CACNA1B: variants seen among roughly 807,000 people sequenced by gnomAD.
The protein encoded by CACNA1B is voltage-dependent N-type calcium channel subunit alpha-1B.
A neutral mutation model predicts 247.2 loss-of-function variants in CACNA1B; 70 were observed. The observed-to-expected ratio is 0.28, with a 90% confidence interval of 0.23 to 0.35. The LOEUF (loss-of-function observed/expected upper bound fraction) is 0.35, where lower values mean the gene tolerates loss of function less well. Among genes scored for constraint, CACNA1B ranks in the 10% least tolerant of loss-of-function variants. The pLI is 1.00. For missense variants in CACNA1B, 2,367 were observed against 3,197.4 expected (o/e 0.74, Z 6.26); for synonymous variants, 1,231 against 1,294.4 (o/e 0.95, Z 1.05).
At chr9:138,056,206 A>G (rs1959491344) in intron 26 of CACNA1B, among the ~76,000 whole-genome samples, 1 of 152,216 alleles carries the variant, frequency 6.6e-6, no homozygotes, top group South Asian at 2.1e-4. Context: ...CCTCAAAAAA[A>G]AAGAAAAACC....
At position 137,881,966 on chromosome 9, in the gene CACNA1B, AGGCTCCCTGCGGTCTGAGCCCAGGGT is replaced by A. The variant is rs1267510729; in HGVS notation, c.391-770_391-745del. ...GCCTGCAGGCGCCACGCCCTCTGGG[AGGCTCCCTGCGGTCTGAGCCCAGGGT>A]GGCTCCCAGCTTCAGGCTCAGACTG... On this transcript the variant is annotated intron_variant, in intron 2 of 46. Coordinates refer to ENST00000371372, the MANE Select transcript of CACNA1B (RefSeq NM_000718.4). This position sits in a 1 kb window ranked among gnomAD's most constrained non-coding sequence, Gnocchi z 4.3. 2.0e-5 allele frequency among the ~76,000 whole-genome samples: 3 copies of A among 152,004 alleles called. No homozygotes were observed. The highest frequency in any genetic ancestry group is 7.2e-5 in the African/African-American group (3 of 41,390).
chr9:138,050,147 T>G lies in CACNA1B; in HGVS notation c.3710+832T>G. On this transcript the variant is annotated intron_variant, in intron 24 of 46. Transcript: ENST00000371372. This position sits in a 1 kb window ranked among gnomAD's most constrained non-coding sequence, Gnocchi z 5.2. The stretch of plus-strand genomic sequence containing the variant: ...ATCACAGCATTCCAGCAGCCCCTCT[T>G]GGGTCATTTCATCTCCAGCCTCACC... The G allele has an allele frequency of 1.6e-6, 2 of 1,218,576 alleles. No homozygotes were observed. Among genetic ancestry groups the G allele is most frequent in the Non-Finnish European group, 2.2e-6 (2 of 924,056 alleles). The allele number at this position is 1,218,576 out of a possible 1,614,324, so 75.5% of individuals were successfully genotyped here.
chr9:137,957,383 G>A lies in CACNA1B; in HGVS notation c.1244-215G>A, dbSNP rs1194659536. On this transcript the variant is annotated intron_variant, in intron 9 of 46. Coordinates refer to ENST00000371372, the MANE Select transcript of CACNA1B (RefSeq NM_000718.4). This position sits in a 1 kb window ranked among gnomAD's most constrained non-coding sequence, Gnocchi z 4.7. ...CCTCATTTTGGAAGAAAGGGAAAGCGGGGACCCCTCACCCTCAAAATTCCT... is the reference window on the plus strand; with the variant it reads ...CCTCATTTTGGAAGAAAGGGAAAGCAGGGACCCCTCACCCTCAAAATTCCT... Among the ~76,000 whole-genome samples, 1 of 152,202 alleles carries A rather than the reference G, an allele frequency of 6.6e-6. No individual in the cohort carries two copies. The highest frequency in any genetic ancestry group is 1.5e-5 in the Non-Finnish European group (1 of 68,032).
intron 10 of CACNA1B, among the ~76,000 whole-genome samples, chr9:137,970,277 C>T (rs144358481): frequency 4.4e-4 from 67 of 152,298 alleles, no homozygotes; most frequent in African/African-American, 1.5e-3. Context: ...TGTCTGCTCT[C>T]TGAGAACACT....
In CACNA1B at chr9:138,058,629, C is replaced by T. The variant is rs201837706; in HGVS notation, c.4369C>T (p.Arg1457Trp). ...KPLTRYMPQNRQSFQYKTWTF... is the reference protein window; with the variant it reads ...KPLTRYMPQNWQSFQYKTWTF... ...CCTGACACGGTACATGCCCCAAAACCGGCAGTCGTTCCAGTATAAGACGTG... is the reference window on the plus strand; with the variant it reads ...CCTGACACGGTACATGCCCCAAAACTGGCAGTCGTTCCAGTATAAGACGTG... Residue 1457 changes from arginine (R) to tryptophan (W), a missense_variant, in exon 29 of 47, where the codon CGG becomes TGG. By Grantham distance (101) the Arg-to-Trp change is moderately radical. Transcript: ENST00000371372. This position sits in a 1 kb window ranked among gnomAD's most constrained non-coding sequence, Gnocchi z 4.7. 19 of 1,613,830 alleles carry T rather than the reference C, an allele frequency of 1.2e-5. No homozygotes were observed. The highest frequency in any genetic ancestry group is 1.7e-5 in the Admixed American group (1 of 59,990).
intron 36 of CACNA1B, among the ~76,000 whole-genome samples, chr9:138,094,457 A>AAAAAAAAAAAAAAAAAAAAGAAG (rs752912258): frequency 1.3e-3 from 174 of 134,670 alleles, no homozygotes; most frequent in African/African-American, 4.0e-3. Context: ...AAAAAAAAAA[A>AAAAAAAAAAAAAAAAAAAAGAAG]AAGAAGAAGA....
intron 36 of CACNA1B, among the ~76,000 whole-genome samples, chr9:138,095,410 C>A (rs1438487999): frequency 6.6e-6 from 1 of 152,140 alleles, no homozygotes; most frequent in Non-Finnish European, 1.5e-5. Context: ...CAATGAGATA[C>A]CTCTTTACAT....
At position 137,882,790 on chromosome 9, in the gene CACNA1B, G is replaced by A. The variant is rs200670479; in HGVS notation, c.437G>A (p.Gly146Glu). 1.2e-6 allele frequency: 2 copies of A among 1,613,944 alleles called. No homozygotes were observed. Among genetic ancestry groups the A allele is most frequent in the Non-Finnish European group, 1.7e-6 (2 of 1,179,844 alleles). ...ATCGGGATCTTTTGCTTCGAGGCAG[G>A]GATCAAAATCATCGCTCTGGGCTTT... Reference protein sequence around the residue: ...YFIGIFCFEAGIKIIALGFVF... With the variant: ...YFIGIFCFEAEIKIIALGFVF... The change falls in exon 3 of 47, where the codon GGG becomes GAG. Residue 146 changes from glycine to glutamate, a missense_variant. Gly to Glu is a moderately conservative substitution (Grantham distance 98). Coordinates refer to ENST00000371372, the MANE Select transcript of CACNA1B (RefSeq NM_000718.4). The surrounding 1 kb of genome is among the most constrained non-coding windows in gnomAD (Gnocchi z 4.0).
In CACNA1B at chr9:138,092,887, T is replaced by G. The variant is rs537333489; in HGVS notation, c.5095-3597T>G. On this transcript the variant is annotated intron_variant, in intron 36 of 46. Coordinates refer to ENST00000371372, the MANE Select transcript of CACNA1B (RefSeq NM_000718.4). ...TCCCTGACTTCCTGCAACAAGCTCCTGCACAGCCAGTGAAATAATCAACAG... is the reference window on the plus strand; with the variant it reads ...TCCCTGACTTCCTGCAACAAGCTCCGGCACAGCCAGTGAAATAATCAACAG... 8.5e-5 allele frequency among the ~76,000 whole-genome samples: 13 copies of G among 152,316 alleles called. No individual in the cohort carries two copies. In the South Asian group the frequency reaches 2.7e-3, roughly 32 times the overall value.
Position 137,973,423 on chromosome 9 carries a change from C to T in CACNA1B, c.1543+1831C>T, listed in dbSNP as rs1323675052. Among the ~76,000 whole-genome samples the T allele has an allele frequency of 6.6e-6, 1 of 152,282 alleles. No homozygotes were observed. The highest frequency in any genetic ancestry group is 1.9e-4 in the East Asian group (1 of 5,174). ...GGCTCATCGTGGGTTCTGTGCACCT[C>T]GGCTGTCCATTCTCCAAGGACCTGC... On this transcript the variant is annotated intron_variant, in intron 11 of 46. Coordinates refer to ENST00000371372, the MANE Select transcript of CACNA1B (RefSeq NM_000718.4). This position sits in a 1 kb window ranked among gnomAD's most constrained non-coding sequence, Gnocchi z 4.1.
rs527348645 is a variant in CACNA1B at position 137,890,339 on chromosome 9, C to CG, written c.530+7461dup. 44 of 149,124 alleles carry CG rather than the reference C, an allele frequency of 3.0e-4. 1 individual carries two copies. In the East Asian group the frequency reaches 6.8e-3, roughly 23 times the overall value. 9.2% of individuals were successfully genotyped at this position (149,124 alleles called of 1,614,324 possible). ...GATACCGCAGACTTTCCCAGGGGGA[C>CG]GGGGGACATGGGTGGGAGATAAGGA... is the stretch of plus-strand genomic sequence containing the variant. On this transcript the variant is annotated intron_variant, in intron 3 of 46. Transcript: ENST00000371372.
Position 138,007,317 on chromosome 9 carries a change from G to A in CACNA1B, c.2092+433G>A, listed in dbSNP as rs531943287. Among the ~76,000 whole-genome samples the A allele has an allele frequency of 2.6e-5, 4 of 152,332 alleles. No homozygotes were observed. The South Asian group carries it at 8.3e-4, about 32-fold the overall frequency. On this transcript the variant is annotated intron_variant, in intron 16 of 46. Transcript: ENST00000371372. This position sits in a 1 kb window ranked among gnomAD's most constrained non-coding sequence, Gnocchi z 4.1. ...AGAAATGTAAGGAAAGGTTTTCTGT[G>A]GAGGATGTCAGTTGGGCTGTTTCAG... is the stretch of plus-strand genomic sequence containing the variant.
At chr9:137,975,006 C>T (rs1958201133) in intron 11 of CACNA1B, among the ~76,000 whole-genome samples, 1 of 152,206 alleles carries the variant, frequency 6.6e-6, no homozygotes, top group African/African-American at 2.4e-5. Context: ...CCTGGCTCAG[C>T]CAGCGGCTGG....
rs991781701 is a variant in CACNA1B at position 138,054,542 on chromosome 9, C to T, written c.3968+536C>T. On this transcript the variant is annotated intron_variant, in intron 26 of 46. Coordinates refer to ENST00000371372, the MANE Select transcript of CACNA1B (RefSeq NM_000718.4). The surrounding 1 kb of genome is among the most constrained non-coding windows in gnomAD (Gnocchi z 4.6). ...TACCCACAGTGTCTTCCTGCCCACG[C>T]GGCAGCGTCCCAGCTGCTTCTGTGT... is the stretch of plus-strand genomic sequence containing the variant. Among the ~76,000 whole-genome samples the T allele has an allele frequency of 2.0e-5, 3 of 152,256 alleles. No homozygotes were observed. The highest frequency in any genetic ancestry group is 2.9e-5 in the Non-Finnish European group (2 of 68,048).
chr9:137,953,018 G>A (rs934697533), intron 7 of CACNA1B, among the ~76,000 whole-genome samples: 4 of 152,206 alleles, frequency 2.6e-5, no homozygotes, highest in Non-Finnish European at 5.9e-5. Flanking sequence ...GAGAGAGAGG[G>A]CTCAGGGCTG....
chr9:137,927,719 T>A (rs747960639), intron 6 of CACNA1B, among the ~76,000 whole-genome samples: 1 of 152,250 alleles, frequency 6.6e-6, no homozygotes, highest in Non-Finnish European at 1.5e-5. Context: ...ATTTGATCTA[T>A]CACAATTAAG....
intron 20 of CACNA1B, among the ~76,000 whole-genome samples, chr9:138,028,721 T>G (rs562505853): frequency 4.3e-4 from 65 of 152,346 alleles, no homozygotes; most frequent in African/African-American, 1.5e-3. Flanking sequence ...GCCCAGGTGC[T>G]TAATCAAGTC....
chr9:137,934,737 G>C (rs987259657), intron 6 of CACNA1B, among the ~76,000 whole-genome samples: 2 of 152,158 alleles, frequency 1.3e-5, no homozygotes, highest in African/African-American at 4.8e-5. Context: ...AATCACTATA[G>C]CTCAGCTCTC....
intron 36 of CACNA1B, among the ~76,000 whole-genome samples, chr9:138,083,727 C>T (rs575944524): frequency 5.1e-4 from 77 of 150,850 alleles, no homozygotes; most frequent in Non-Finnish European, 8.8e-4. Context: ...CCCTGCTTTC[C>T]TGGAGCTAGA....
Sources: gnomAD v4.1 joint callset for allele counts (sites outside exome capture counted in the v4.1 genomes callset) on GRCh38, gnomAD v4.1.1 for gene constraint, Gnocchi (gnomAD v3.1) non-coding constraint, MANE v1.5 for transcripts, NCBI Gene and HGNC (gene_info 2026-07-23, HGNC 2026-07-21) for gene names.